The following NFATC2 variants were observed in gnomAD, a reference collection of about 807,000 sequenced individuals.
NFATC2 encodes nuclear factor of activated T-cells, cytoplasmic 2.
In NFATC2, 22 loss-of-function variants were observed where a neutral mutation model predicts 87.3. That is an observed-to-expected ratio of 0.25 (90% CI 0.18 to 0.36). The LOEUF is 0.36. NFATC2 is among the 10% of genes least tolerant of loss of function. The pLI, the probability that NFATC2 is intolerant of heterozygous loss-of-function variation, is 1.00. For synonymous variants in NFATC2, 565 were observed against 542.2 expected (o/e 1.04, Z -0.58); for missense variants, 1,149 against 1,259.1 (o/e 0.91, Z 1.32).
chr20:51,449,683 G>T (rs1985530656), intron 6 of NFATC2, among the ~76,000 whole-genome samples: 1 of 152,136 alleles, frequency 6.6e-6, no homozygotes, highest in Non-Finnish European at 1.5e-5. Context: ...AAGGTGTGGG[G>T]TCTAGAGCCA....
chr20:51,435,257 T>C lies in NFATC2; in HGVS notation c.1963A>G (p.Lys655Glu), dbSNP rs1306898665. ...CCATTGATGACGTAGAAGTTCACTT[T>C]TACAGGTGTGCGGATATGCTTGTTC... The part of the protein sequence containing the change: ...YRNKHIRTPV[K>E]VNFYVINGKR... Residue 655 changes from lysine (K) to glutamate (E), a missense_variant, in exon 8 of 11, where the codon AAA (lysine) becomes GAA (glutamate). By Grantham distance (56) the Lys-to-Glu change is moderately conservative. Transcript: ENST00000371564. 2 of 1,614,186 alleles carry C rather than the reference T, an allele frequency of 1.2e-6. No individual in the cohort carries two copies. Among genetic ancestry groups the C allele is most frequent in the African/African-American group, 1.3e-5 (1 of 75,044 alleles).
chr20:51,557,565 T>C (rs1401040564), intron 1 of NFATC2, among the ~76,000 whole-genome samples: 1 of 152,178 alleles, frequency 6.6e-6, no homozygotes, highest in East Asian at 1.9e-4. Context: ...TGAGTATCTG[T>C]TGGATGGCCC....
rs903098413 is a variant in NFATC2, at chr20:51,486,197, C to T, written c.1333-10537G>A. Among the ~76,000 whole-genome samples, 5 of 151,586 alleles carry T rather than the reference C, an allele frequency of 3.3e-5. No homozygotes were observed. In the East Asian group the frequency reaches 7.8e-4, roughly 24 times the overall value. On this transcript the variant is annotated intron_variant, in intron 3 of 10. Coordinates refer to ENST00000371564, the MANE Select transcript of NFATC2 (RefSeq NM_012340.5). ...CTGCACTCCAGCCTGGGTGACAGAG[C>T]GAGACACTGCCTCAAACAAAAAAAA...
chr20:51,560,435 C>T (rs763468572), intron 1 of NFATC2, among the ~76,000 whole-genome samples: 4 of 152,186 alleles, frequency 2.6e-5, no homozygotes, highest in African/African-American at 2.4e-5. Context: ...CTGAACACAC[C>T]TCTTTCAGAT....
intron 1 of NFATC2, among the ~76,000 whole-genome samples, chr20:51,538,747 A>C (rs190870038): frequency 6.6e-6 from 1 of 152,384 alleles, no homozygotes; most frequent in East Asian, 1.9e-4. Context: ...TGCTGTGTTG[A>C]TTTAAATGGG....
intron 3 of NFATC2, among the ~76,000 whole-genome samples, chr20:51,507,962 C>T (rs1320364636): frequency 6.6e-6 from 1 of 152,168 alleles, no homozygotes; most frequent in African/African-American, 2.4e-5. Context: ...GCCATTATGC[C>T]ACCCTGCCCA....
chr20:51,398,755 T>C, intron 9 of NFATC2, 25 bp from the exon 10 acceptor site: 1 of 1,528,050 alleles, frequency 6.5e-7, no homozygotes, highest in Non-Finnish European at 9.0e-7. Context: ...CAAAATCATT[T>C]TTGAGAAGAA....
chr20:51,448,482 A>G (rs1985358845), intron 6 of NFATC2, among the ~76,000 whole-genome samples: 1 of 152,192 alleles, frequency 6.6e-6, no homozygotes, highest in Non-Finnish European at 1.5e-5. Flanking sequence ...TCTACTAAAC[A>G]AACTACAAAA....
chr20:51,539,150 T>TA (rs2076766253), intron 1 of NFATC2, among the ~76,000 whole-genome samples: 1 of 152,176 alleles, frequency 6.6e-6, no homozygotes. Context: ...CTAAACTCCA[T>TA]AAAATGAGCA....
intron 1 of NFATC2, among the ~76,000 whole-genome samples, chr20:51,548,690 C>G (rs1385255666): frequency 6.6e-6 from 1 of 152,190 alleles, no homozygotes; most frequent in Non-Finnish European, 1.5e-5. Flanking sequence ...TCCCCAGATC[C>G]TAGACTGGTA....
chr20:51,522,442 A>T (rs2076462278), intron 2 of NFATC2, among the ~76,000 whole-genome samples: 1 of 152,178 alleles, frequency 6.6e-6, no homozygotes, highest in Non-Finnish European at 1.5e-5. Flanking sequence ...GCCCGTGTTC[A>T]CTCAGGTAGT....
At chr20:51,491,918 AC>A (rs1238313571) in intron 3 of NFATC2, among the ~76,000 whole-genome samples, 2 of 89,968 alleles carry the variant, frequency 2.2e-5, no homozygotes, top group Non-Finnish European at 4.4e-5. Context: ...ACACACACAC[AC>A]CCCTTGCCCC....
At chr20:51,466,412 G>A (rs962471274) in intron 5 of NFATC2, among the ~76,000 whole-genome samples, 8 of 152,024 alleles carry the variant, frequency 5.3e-5, no homozygotes, top group South Asian at 2.1e-4. Flanking sequence ...GCACCCAACC[G>A]CCAGCTAGAC....
At chr20:51,557,684 C>A (rs529856396) in intron 1 of NFATC2, among the ~76,000 whole-genome samples, 1 of 152,178 alleles carries the variant, frequency 6.6e-6, no homozygotes, top group East Asian at 1.9e-4. Flanking sequence ...AATGAGAGTG[C>A]GGTCCTTCAG....
chr20:51,511,477 T>G (rs1158963789), intron 3 of NFATC2, among the ~76,000 whole-genome samples: 1 of 152,216 alleles, frequency 6.6e-6, no homozygotes, highest in Non-Finnish European at 1.5e-5. Flanking sequence ...AGCTCATATA[T>G]CCAACTGTTT....
rs16996027 is a variant in NFATC2 at position 51,446,743 on chromosome 20, G to A, written c.1849+7805C>T. Among the ~76,000 whole-genome samples the A allele has an allele frequency of 5.2e-3, 786 of 152,342 alleles. 17 individuals are homozygous for A. The East Asian group carries it at 0.055, about 11-fold the overall frequency. On this transcript the variant is annotated intron_variant, in intron 6 of 10. Coordinates refer to ENST00000371564, the MANE Select transcript of NFATC2 (RefSeq NM_012340.5). ...TTTTCTCTATCTCCACGGCAGCTTCGGAGTTGCAATCTGGATCGCATCTTT... is the reference window on the plus strand; with the variant it reads ...TTTTCTCTATCTCCACGGCAGCTTCAGAGTTGCAATCTGGATCGCATCTTT...
chr20:51,557,104 G>A (rs1303747107), intron 1 of NFATC2, among the ~76,000 whole-genome samples: 1 of 152,128 alleles, frequency 6.6e-6, no homozygotes, highest in African/African-American at 2.4e-5. Flanking sequence ...CTGGGCCTAG[G>A]GCTGCCCCAT....
intron 1 of NFATC2, among the ~76,000 whole-genome samples, chr20:51,561,345 A>AAGAG (rs1306746589): frequency 6.8e-6 from 1 of 147,578 alleles, no homozygotes; most frequent in Non-Finnish European, 1.5e-5. Flanking sequence ...AAAAGAAAGA[A>AAGAG]AGAGAGAGAA....
At chr20:51,450,907 A>G (rs1985686698) in intron 6 of NFATC2, among the ~76,000 whole-genome samples, 1 of 152,254 alleles carries the variant, frequency 6.6e-6, no homozygotes, top group South Asian at 2.1e-4. Context: ...AATAGAAGCT[A>G]GAGAATAAAT....
Sources: allele counts gnomAD v4.1 joint callset (sites outside exome capture counted in the v4.1 genomes callset), GRCh38; gene constraint gnomAD v4.1.1; transcripts MANE v1.5; gene names NCBI Gene and HGNC (gene_info 2026-07-23, HGNC 2026-07-21).